SLC35F1: variants seen among roughly 807,000 people sequenced by gnomAD.
The protein encoded by SLC35F1 is chromosome 6 open reading frame 169.
SLC35F1 carries 14 observed loss-of-function variants against 48.7 expected under a neutral mutation model. The ratio of observed to expected loss-of-function variants is 0.29; its 90% CI spans 0.19 to 0.45. The LOEUF (loss-of-function observed/expected upper bound fraction) is 0.45, where lower values mean the gene tolerates loss of function less well. Ranked by LOEUF, SLC35F1 falls within the 20% of genes least tolerant of loss-of-function variation. The pLI is 1.00. For synonymous variants in SLC35F1, 190 were observed against 202.2 expected, an observed-to-expected ratio of 0.94 and a Z score of 0.51; for missense variants, 404 against 500.0, an observed-to-expected ratio of 0.81 and a Z score of 1.83.
chr6:117,949,465 T>G (rs1776335399), intron 1 of SLC35F1, among the ~76,000 whole-genome samples: 1 of 152,170 alleles, frequency 6.6e-6, no homozygotes, highest in Non-Finnish European at 1.5e-5. Flanking sequence ...AGTAGTTATT[T>G]CCCCTCTTTC....
intron 2 of SLC35F1, among the ~76,000 whole-genome samples, chr6:118,202,369 C>T (rs568738735): frequency 1.6e-4 from 24 of 152,096 alleles, no homozygotes; most frequent in East Asian, 9.7e-4. Context: ...TGGTGGCACA[C>T]GCCTGTAGTC....
intron 1 of SLC35F1, among the ~76,000 whole-genome samples, chr6:118,028,215 G>A (rs1009416800): frequency 5.9e-5 from 9 of 152,086 alleles, no homozygotes; most frequent in African/African-American, 2.2e-4. Context: ...GATGGATTGA[G>A]AGACTCCTTA....
chr6:118,236,756 G>A (rs1175340486), intron 3 of SLC35F1, among the ~76,000 whole-genome samples: 3 of 152,158 alleles, frequency 2.0e-5, no homozygotes, highest in African/African-American at 7.2e-5. Flanking sequence ...TAACTGATAA[G>A]GGAGACCTGA....
intron 2 of SLC35F1, among the ~76,000 whole-genome samples, chr6:118,195,313 C>CAAG (rs1263535723): frequency 1.3e-5 from 2 of 152,148 alleles, no homozygotes; most frequent in African/African-American, 4.8e-5. Context: ...AAATACACTT[C>CAAG]AATGTGTTGT....
chr6:118,007,032 T>G (rs1019269790), intron 1 of SLC35F1, among the ~76,000 whole-genome samples: 5 of 56,154 alleles, frequency 8.9e-5, no homozygotes, highest in East Asian at 6.3e-4. Context: ...CACATGTTGT[T>G]TTTTTTTTTT....
intron 2 of SLC35F1, among the ~76,000 whole-genome samples, chr6:118,199,056 C>T (rs1240737122): frequency 4.6e-5 from 7 of 152,184 alleles, no homozygotes; most frequent in Non-Finnish European, 8.8e-5. Context: ...CTCCATTTCT[C>T]ACCAAAGCTG....
At chr6:117,948,895 G>T (rs577624645) in intron 1 of SLC35F1, among the ~76,000 whole-genome samples, 1 of 152,050 alleles carries the variant, frequency 6.6e-6, no homozygotes, top group African/African-American at 2.4e-5. Flanking sequence ...GACAGCAAAA[G>T]ATATTCCAAG....
chr6:118,125,033 T>G (rs758321912), intron 1 of SLC35F1, among the ~76,000 whole-genome samples: 2 of 152,126 alleles, frequency 1.3e-5, no homozygotes, highest in Non-Finnish European at 2.9e-5. Context: ...CTTCTAATAT[T>G]TACTCTCACA....
rs184626190 is a variant in SLC35F1 at position 118,153,194 on chromosome 6, C to T, written c.174-1251C>T. ...TTATGGGGGAGTAAATATGTAACAC[C>T]GCAAATCCTTTGCCTAAAGCTTTTT... On this transcript the variant is annotated intron_variant, in intron 1 of 7. Transcript: ENST00000360388. 2.4e-3 allele frequency among the ~76,000 whole-genome samples: 367 copies of T among 152,144 alleles called. 11 individuals are homozygous for T. The highest frequency in any genetic ancestry group is 5.6e-4 in the Non-Finnish European group (38 of 67,996).
chr6:118,145,900 C>G (rs907646887), intron 1 of SLC35F1, among the ~76,000 whole-genome samples: 1 of 152,100 alleles, frequency 6.6e-6, no homozygotes, highest in Non-Finnish European at 1.5e-5. Context: ...TTGGGAAAAC[C>G]CTTTTTCCTG....
At chr6:118,303,459 G>C (rs946111481) in intron 7 of SLC35F1, among the ~76,000 whole-genome samples, 4 of 152,148 alleles carry the variant, frequency 2.6e-5, no homozygotes, top group Non-Finnish European at 5.9e-5. Context: ...AGGCCTTTGG[G>C]CACTGTGTAA....
chr6:118,162,913 C>A (rs1000611139), intron 2 of SLC35F1, among the ~76,000 whole-genome samples: 1 of 151,948 alleles, frequency 6.6e-6, no homozygotes, highest in Non-Finnish European at 1.5e-5. Context: ...CTTATAGTAT[C>A]CAATAGTGCA....
intron 7 of SLC35F1, among the ~76,000 whole-genome samples, chr6:118,296,725 G>A (rs1267534811): frequency 6.6e-6 from 1 of 152,198 alleles, no homozygotes; most frequent in East Asian, 1.9e-4. Flanking sequence ...TACTGCAGAA[G>A]TTTCAAACGG....
intron 2 of SLC35F1, among the ~76,000 whole-genome samples, chr6:118,221,259 C>A (rs966862431): frequency 6.6e-6 from 1 of 152,084 alleles, no homozygotes; most frequent in Non-Finnish European, 1.5e-5. Context: ...AAGCATAGAT[C>A]GCTTTGTCTG....
At chr6:118,088,395 G>T (rs1773022726) in intron 1 of SLC35F1, among the ~76,000 whole-genome samples, 1 of 152,082 alleles carries the variant, frequency 6.6e-6, no homozygotes, top group Admixed American at 6.6e-5. Context: ...AGGTATGCAG[G>T]GTTGCCATCT....
chr6:118,055,311 C>T (rs368329662), intron 1 of SLC35F1, among the ~76,000 whole-genome samples: 3 of 152,022 alleles, frequency 2.0e-5, no homozygotes, highest in Non-Finnish European at 4.4e-5. Context: ...ATCAATGACT[C>T]GGTGACTAAA....
chr6:118,221,752 T>C (rs1775154399), intron 2 of SLC35F1, among the ~76,000 whole-genome samples: 1 of 152,214 alleles, frequency 6.6e-6, no homozygotes, highest in East Asian at 1.9e-4. Context: ...CAAGCTTATT[T>C]TATCCCTACC....
chr6:118,053,318 A>G (rs1317282741), intron 1 of SLC35F1, among the ~76,000 whole-genome samples: 1 of 152,176 alleles, frequency 6.6e-6, no homozygotes, highest in African/African-American at 2.4e-5. Context: ...AGGGTATGTG[A>G]TAATAATTCT....
intron 1 of SLC35F1, among the ~76,000 whole-genome samples, chr6:118,022,105 G>C (rs1201510029): frequency 6.6e-6 from 1 of 152,174 alleles, no homozygotes; most frequent in Non-Finnish European, 1.5e-5. Flanking sequence ...TTGCAAATGG[G>C]CATACATACA....
Sources: allele counts gnomAD v4.1 joint callset (sites outside exome capture counted in the v4.1 genomes callset), GRCh38; gene constraint gnomAD v4.1.1; transcripts MANE v1.5; gene names NCBI Gene and HGNC (gene_info 2026-07-23, HGNC 2026-07-21).